Variants in FAT2 observed in about 807,000 individuals in gnomAD.
FAT2 encodes protocadherin Fat 2.
FAT2 carries 150 observed loss-of-function variants against 295.3 expected under a neutral mutation model. The observed-to-expected ratio is 0.51, with a 90% CI of 0.44 to 0.58. The LOEUF is 0.58. Ranked by LOEUF, FAT2 falls within the 20% of genes least tolerant of loss-of-function variation. The pLI, the probability that FAT2 is intolerant of heterozygous loss-of-function variation, is 0.00. For missense variants in FAT2, 4,868 were observed against 5,442.7 expected, an observed-to-expected ratio of 0.89 and a Z score of 3.32; for synonymous variants, 2,026 against 2,150.3, an observed-to-expected ratio of 0.94 and a Z score of 1.60.
rs373917039 is a variant in FAT2 at position 151,557,263 on chromosome 5, A to AG, written c.3575-862dup. ...CAATAAACAAACCCCAGTTCTCCTG[A>AG]GGGGAAACCAGGAGAATTAGGTTCT... On this transcript the variant is annotated intron_variant, in intron 3 of 23. Transcript: ENST00000261800. Among the ~76,000 whole-genome samples, 25 of 152,254 alleles carry AG rather than the reference A, an allele frequency of 1.6e-4. No individual in the cohort carries two copies. The East Asian group carries it at 3.1e-3, about 19-fold the overall frequency.
intron 13 of FAT2, among the ~76,000 whole-genome samples, chr5:151,533,175 A>G (rs1193865287): frequency 6.6e-6 from 1 of 152,150 alleles, no homozygotes; most frequent in Non-Finnish European, 1.5e-5. Context: ...CTGAGGAACC[A>G]TAGAAGGAAG....
upstream of FAT2, among the ~76,000 whole-genome samples, chr5:151,593,656 C>T (rs561985937): frequency 6.6e-6 from 1 of 152,264 alleles, no homozygotes; most frequent in South Asian, 2.1e-4. Context: ...TCATATTCCA[C>T]TCCCCTTTGT....
chr5:151,523,692 G>A (rs1038099263), intron 18 of FAT2, among the ~76,000 whole-genome samples: 4 of 152,104 alleles, frequency 2.6e-5, no homozygotes, highest in Non-Finnish European at 5.9e-5. Flanking sequence ...CTCTCCCTAG[G>A]CAATCACATC....
At chr5:151,564,495 C>T (rs1348502100) in intron 2 of FAT2, among the ~76,000 whole-genome samples, 4 of 152,192 alleles carry the variant, frequency 2.6e-5, no homozygotes, top group African/African-American at 7.2e-5. Context: ...TGAAAGCCAA[C>T]ATTGAGAACA....
chr5:151,522,220 G>A, intron 18 of FAT2, 134 bp from the exon 19 acceptor site: 1 of 627,890 alleles, frequency 1.6e-6, no homozygotes, highest in South Asian at 2.9e-5. Flanking sequence ...GCGCATTGTT[G>A]CATTTAGAAA....
At chr5:151,514,270 T>C (rs765913502) in intron 20 of FAT2, among the ~76,000 whole-genome samples, 13 of 152,224 alleles carry the variant, frequency 8.5e-5, no homozygotes, top group Non-Finnish European at 1.8e-4. Flanking sequence ...AACATTGCAA[T>C]GAAATCATTT....
intron 17 of FAT2, 43 bp from the exon 18 acceptor site, chr5:151,526,008 C>T (rs1351289070): frequency 6.3e-7 from 1 of 1,588,340 alleles, no homozygotes; most frequent in African/African-American, 1.3e-5. Flanking sequence ...CAGAATGAGT[C>T]CCGGTCCTTC....
At chr5:151,562,278 G>A (rs10052817) in intron 3 of FAT2, among the ~76,000 whole-genome samples, 67,197 of 151,982 alleles carry the variant, frequency 0.44, 15,531 homozygotes, top group Non-Finnish European at 0.52. Context: ...ATCTCACCAG[G>A]TTCCATCCTT....
chr5:151,560,735 T>C (rs1757981833), intron 3 of FAT2, among the ~76,000 whole-genome samples: 2 of 152,234 alleles, frequency 1.3e-5, no homozygotes, highest in African/African-American at 4.8e-5. Context: ...TGAAACTGTG[T>C]TTTATTTATC....
chr5:151,527,467 T>G (rs1200857877), intron 16 of FAT2, 90 bp from the exon 17 acceptor site: 10 of 1,328,160 alleles, frequency 7.5e-6, no homozygotes, highest in Non-Finnish European at 9.1e-6. Context: ...TCAAAAAAAA[T>G]AAGAAGGAGA....
At chr5:151,562,212 T>C (rs1271365316) in intron 3 of FAT2, among the ~76,000 whole-genome samples, 1 of 152,170 alleles carries the variant, frequency 6.6e-6, no homozygotes, top group Non-Finnish European at 1.5e-5. Flanking sequence ...CTCCTCCTGG[T>C]TACCTTTTGT....
intron 1 of FAT2, among the ~76,000 whole-genome samples, 150 bp from the exon 2 acceptor site, chr5:151,569,101 G>A (rs747992863): frequency 6.6e-6 from 1 of 152,198 alleles, no homozygotes; most frequent in Non-Finnish European, 1.5e-5. Context: ...GAGTGGTGGT[G>A]CTAATGGCAT....
rs1758340175 is a variant in FAT2, at chr5:151,567,642, C to G, written c.1290G>C (p.Gln430His). Residue 430 changes from glutamine to histidine, a missense_variant, in exon 2 of 24, where the codon CAG (glutamine) becomes CAC (histidine). Gln to His is a conservative substitution (Grantham distance 24). Coordinates refer to ENST00000261800, the MANE Select transcript of FAT2 (RefSeq NM_001447.3). ...LMDFHDRAHY[Q>H]LHIRTSPGQA... ...GGCCCGGTGAGGTTCTGATGTGTAG[C>G]TGATAGTGGGCTCTGTCGTGGAAGT... The G allele has an allele frequency of 6.2e-7, 1 of 1,613,974 alleles. No homozygotes were observed. The highest frequency in any genetic ancestry group is 1.3e-5 in the African/African-American group (1 of 74,924).
intron 13 of FAT2, among the ~76,000 whole-genome samples, chr5:151,533,620 C>T (rs1372332615): frequency 6.6e-6 from 1 of 152,100 alleles, no homozygotes; most frequent in Non-Finnish European, 1.5e-5. Context: ...TTATCATCAT[C>T]ATTTTCCTGT....
chr5:151,530,599 T>G (rs1754484410), intron 14 of FAT2, among the ~76,000 whole-genome samples: 1 of 152,262 alleles, frequency 6.6e-6, no homozygotes, highest in Non-Finnish European at 1.5e-5. Context: ...GTTTTGGGGA[T>G]ACTAACAAAC....
rs35225143 is a variant in FAT2 at position 151,567,219 on chromosome 5, C to A, written c.1713G>T (p.Gly571=). ...CTACTGGCCAGTCTTGGCGGATAGA[C>A]CCTGTACAGTTGACTTCTTCAAACA... ...QPMFEEVNCT[G]SIRQDWPVGK... is the part of the protein sequence containing the mutation. Residue 571 remains glycine, a synonymous_variant, in exon 2 of 24, where the codon GGG becomes GGT. Coordinates refer to ENST00000261800, the MANE Select transcript of FAT2 (RefSeq NM_001447.3). The A allele has an allele frequency of 0.068, 110,322 of 1,613,834 alleles. 4,328 individuals carry two copies. The highest frequency in any genetic ancestry group is 0.081 in the Non-Finnish European group (95,683 of 1,179,832).
chr5:151,536,738 T>C (rs1755342849), intron 12 of FAT2, among the ~76,000 whole-genome samples: 1 of 152,256 alleles, frequency 6.6e-6, no homozygotes, highest in South Asian at 2.1e-4. Flanking sequence ...ACCTGTGTTA[T>C]AACAATTCTA....
Position 151,512,453 on chromosome 5 carries a change from T to A in FAT2, c.11617A>T (p.Asn3873Tyr). ...SIRLMVDSMGNTSLVVPENCR... is the reference protein window; with the variant it reads ...SIRLMVDSMGYTSLVVPENCR... ...TTCTCTGGGACCACAAGGGAGGTGT[T>A]GCCCATGCTGTCAACCATCAGGCGA... is the stretch of plus-strand genomic sequence containing the variant. The change falls in exon 21 of 24, where the codon AAC becomes TAC. Residue 3873 changes from asparagine to tyrosine, a missense_variant. By Grantham distance (143) the Asn-to-Tyr change is moderately radical (BLOSUM62 -2). Around this residue, in one of 5 missense-constraint regions of FAT2, gnomAD observed 1,046 missense variants for 1,210.1 expected, o/e 0.86. Transcript: ENST00000261800. The surrounding 1 kb of genome is among the most constrained non-coding windows in gnomAD (Gnocchi z 4.1). 1 of 1,614,218 alleles carries A rather than the reference T, an allele frequency of 6.2e-7. No individual in the cohort carries two copies. Among genetic ancestry groups the A allele is most frequent in the Non-Finnish European group, 8.5e-7 (1 of 1,180,034 alleles).
At chr5:151,562,795 C>T (rs541999718) in intron 3 of FAT2, among the ~76,000 whole-genome samples, 8 of 152,324 alleles carry the variant, frequency 5.3e-5, no homozygotes, top group South Asian at 4.1e-4. Flanking sequence ...TGGATTTCTC[C>T]CAACCATCCA....
Sources: allele counts gnomAD v4.1 joint callset (sites outside exome capture counted in the v4.1 genomes callset), GRCh38; gene constraint gnomAD v4.1.1; regional missense constraint gnomAD v4.1.1; non-coding constraint Gnocchi (gnomAD v3.1); transcripts MANE v1.5; gene names NCBI Gene and HGNC (gene_info 2026-07-23, HGNC 2026-07-21).